Variants in PIGN observed in about 807,000 individuals in gnomAD.
The protein encoded by PIGN is phosphatidylinositol glycan anchor biosynthesis class N, also known as GPI ethanolamine phosphate transferase 1.
PIGN carries 117 observed loss-of-function variants against 125.4 expected under a neutral mutation model. The ratio of observed to expected loss-of-function variants is 0.93; its 90% CI spans 0.80 to 1.09. The LOEUF (loss-of-function observed/expected upper bound fraction) is 1.09, where lower values mean the gene tolerates loss of function less well. Ranked by LOEUF, PIGN falls within the 50% of genes least tolerant of loss-of-function variation. PIGN has a pLI of 0.00. For synonymous variants in PIGN, 392 were observed against 377.8 expected (o/e 1.04, Z -0.44); for missense variants, 1,075 against 1,094.9 (o/e 0.98, Z 0.26).
At chr18:62,097,965 T>C (rs2034279769) in intron 22 of PIGN, among the ~76,000 whole-genome samples, 1 of 152,202 alleles carries the variant, frequency 6.6e-6, no homozygotes, top group Non-Finnish European at 1.5e-5. Context: ...AGGTTGAAGA[T>C]AGACAAGTTG....
chr18:62,049,387 T>C (rs1427376838), intron 30 of PIGN, among the ~76,000 whole-genome samples: 10 of 149,754 alleles, frequency 6.7e-5, no homozygotes, highest in Admixed American at 6.6e-5. Flanking sequence ...TTTTTAATGA[T>C]TGCCATTCTA....
intron 10 of PIGN, among the ~76,000 whole-genome samples, chr18:62,145,016 G>T (rs868634297): frequency 1.1e-4 from 17 of 151,554 alleles, no homozygotes; most frequent in South Asian, 8.4e-4. Context: ...GGCGGGGGGG[G>T]GGGGGCAGGG....
At chr18:62,101,353 C>T (rs1034870500) in intron 21 of PIGN, among the ~76,000 whole-genome samples, 170 bp from the exon 22 acceptor site, 10 of 152,086 alleles carry the variant, frequency 6.6e-5, no homozygotes, top group Admixed American at 3.3e-4. Context: ...GTTAATAAAC[C>T]TAATGCAAAA....
intron 23 of PIGN, among the ~76,000 whole-genome samples, chr18:62,020,045 A>C (rs2030034384): frequency 6.6e-6 from 1 of 152,236 alleles, no homozygotes; most frequent in South Asian, 2.1e-4. Context: ...AGATATCTGC[A>C]TAGGGGTGTC....
chr18:62,071,866 A>ATATATATATATATATATG (rs2032877556), intron 30 of PIGN, among the ~76,000 whole-genome samples: 28 of 3,244 alleles, frequency 8.6e-3, no homozygotes, highest in African/African-American at 0.026. Context: ...CCTTTTCCAT[A>ATATATATATATATATATG]TATATATATA....
chr18:62,132,383 G>A (rs2035772195), intron 14 of PIGN, among the ~76,000 whole-genome samples: 1 of 152,000 alleles, frequency 6.6e-6, no homozygotes, highest in Non-Finnish European at 1.5e-5. Flanking sequence ...ATACCTCAAG[G>A]GGGAATGAAA....
intron 17 of PIGN, among the ~76,000 whole-genome samples, chr18:62,109,479 T>C (rs1436752547): frequency 6.6e-6 from 1 of 152,232 alleles, no homozygotes; most frequent in East Asian, 1.9e-4. Flanking sequence ...TGAAGATATA[T>C]TGGAATCTGA....
intron 1 of PIGN, among the ~76,000 whole-genome samples, chr18:62,178,060 A>G (rs1359430494): frequency 6.6e-6 from 1 of 152,108 alleles, no homozygotes; most frequent in East Asian, 1.9e-4. Context: ...CAGCCTCTAC[A>G]TTGGTCACTC....
intron 2 of PIGN, chr18:62,162,597 CA>C (rs1280796618): frequency 9.9e-5 from 15 of 152,088 alleles, no homozygotes. Flanking sequence ...AGCAAAAGGT[CA>C]AATTACAAGC....
chr18:62,113,159 A>C lies in PIGN; in HGVS notation c.1409T>G (p.Ile470Arg), dbSNP rs1260143598. 6.2e-7 allele frequency: 1 copy of C among 1,610,548 alleles called. No individual in the cohort carries two copies. The highest frequency in any genetic ancestry group is 8.5e-7 in the Non-Finnish European group (1 of 1,178,028). ...LLIIKSHSNL[I>R]KGVSKEVKKP... ...CTTCACTTCTTTACTAACACCTTTTATAAGGTTGGAATGAGACTTGATGAT... is the reference window on the plus strand; with the variant it reads ...CTTCACTTCTTTACTAACACCTTTTCTAAGGTTGGAATGAGACTTGATGAT... The change falls in exon 16 of 31, where the codon ATA (isoleucine) becomes AGA (arginine). Residue 470 changes from isoleucine (I) to arginine (R), a missense_variant. Coordinates refer to ENST00000640252, the MANE Select transcript of PIGN (RefSeq NM_176787.5).
chr18:62,108,093 T>A (rs1163275224), intron 17 of PIGN, among the ~76,000 whole-genome samples: 1 of 152,198 alleles, frequency 6.6e-6, no homozygotes, highest in Admixed American at 6.6e-5. Flanking sequence ...GCTGCAGAAT[T>A]TCATCAAAAT....
At chr18:62,123,839 T>C (rs1216266280) in intron 14 of PIGN, among the ~76,000 whole-genome samples, 1 of 151,702 alleles carries the variant, frequency 6.6e-6, no homozygotes, top group East Asian at 1.9e-4. Context: ...ATGCAGACAA[T>C]AGGAAACTTG....
chr18:62,183,280 G>GC (rs1303351776), intron 1 of PIGN, among the ~76,000 whole-genome samples: 11 of 151,348 alleles, frequency 7.3e-5, no homozygotes, highest in Non-Finnish European at 1.6e-4. Context: ...ACTCTCCAGT[G>GC]CCTTTTCACC....
chr18:62,122,513 C>T (rs888776751), intron 14 of PIGN, among the ~76,000 whole-genome samples: 5 of 151,976 alleles, frequency 3.3e-5, no homozygotes, highest in African/African-American at 9.7e-5. Context: ...GCACAAACAG[C>T]GACAAGGACA....
chr18:62,106,785 A>G lies in PIGN; in HGVS notation c.1767+4T>C, dbSNP rs1817363210. 6.3e-7 allele frequency: 1 copy of G among 1,593,582 alleles called. No homozygotes were observed. Among genetic ancestry groups the G allele is most frequent in the Non-Finnish European group, 8.6e-7 (1 of 1,166,756 alleles). ...CTGTCCTATGTCAAAATGAGTACTC[A>G]TACCTTTGCTCGAGTCCACAGCCGA... is the stretch of plus-strand genomic sequence containing the variant. On this transcript the variant is annotated splice_donor_region_variant and intron_variant, in intron 19 of 30. Transcript: ENST00000640252.
At chr18:62,160,108 G>A (rs990519766) in intron 4 of PIGN, among the ~76,000 whole-genome samples, 4 of 152,160 alleles carry the variant, frequency 2.6e-5, no homozygotes, top group East Asian at 3.9e-4. Context: ...GCGAGACTCC[G>A]TCTCAAAAAA....
At position 62,046,042 on chromosome 18, in the gene PIGN, C is replaced by T. The variant is rs891883632; in HGVS notation, c.2673-63G>A. 11 of 1,538,754 alleles carry T rather than the reference C, an allele frequency of 7.1e-6. 1 individual carries two copies. Among genetic ancestry groups the T allele is most frequent in the South Asian group, 4.7e-5 (4 of 84,658 alleles). Reference sequence around the variant, plus strand: ...CACAGGTGAGGAAAATCATGAGATTCCTCTGAATGGTTTTAAATGGACAGA... The same window carrying T: ...CACAGGTGAGGAAAATCATGAGATTTCTCTGAATGGTTTTAAATGGACAGA... On this transcript the variant is annotated intron_variant, in intron 30 of 30. Coordinates refer to ENST00000640252, the MANE Select transcript of PIGN (RefSeq NM_176787.5).
intron 2 of PIGN, 50 bp downstream of exon 2, chr18:62,163,481 C>A (rs1180682531): frequency 1.3e-5 from 2 of 151,886 alleles, no homozygotes; most frequent in Non-Finnish European, 2.9e-5. Context: ...CTTAAAATAC[C>A]CTCAGAGAAT....
At chr18:62,071,003 C>T (rs1318777673) in intron 30 of PIGN, among the ~76,000 whole-genome samples, 2 of 151,942 alleles carry the variant, frequency 1.3e-5, no homozygotes, top group African/African-American at 4.8e-5. Context: ...GAAACAGGGT[C>T]TCACTATGTT....
Sources: allele counts gnomAD v4.1 joint callset (sites outside exome capture counted in the v4.1 genomes callset), GRCh38; gene constraint gnomAD v4.1.1; transcripts MANE v1.5; gene names NCBI Gene and HGNC (gene_info 2026-07-23, HGNC 2026-07-21).